Variants in UVRAG observed in about 807,000 individuals in gnomAD.
UVRAG encodes UV radiation resistance associated.
UVRAG carries 19 observed loss-of-function variants against 78.0 expected under a neutral mutation model. The observed-to-expected ratio is 0.24, with a 90% confidence interval of 0.17 to 0.36. UVRAG has a LOEUF of 0.36. Among genes scored for constraint, UVRAG ranks in the 10% least tolerant of loss-of-function variants. The probability of loss-of-function intolerance (pLI) is 1.00; values close to 1 mark genes in which losing one functional copy is unlikely to be tolerated. For synonymous variants in UVRAG, 323 were observed against 324.6 expected, an observed-to-expected ratio of 1.00 and a Z score of 0.05; for missense variants, 740 against 853.8, an observed-to-expected ratio of 0.87 and a Z score of 1.66.
At chr11:75,871,416 A>C (rs1946648500) in intron 3 of UVRAG, among the ~76,000 whole-genome samples, 1 of 151,510 alleles carries the variant, frequency 6.6e-6, no homozygotes, top group Non-Finnish European at 1.5e-5. Context: ...CCTCCCAAGT[A>C]GGTGAAGTGT....
At chr11:76,005,134 G>GCC (rs1394207907) in intron 9 of UVRAG, among the ~76,000 whole-genome samples, 17 of 152,102 alleles carry the variant, frequency 1.1e-4, no homozygotes, top group African/African-American at 3.4e-4. Context: ...ATGCAGTCAG[G>GCC]AGATCAAGAC....
intron 3 of UVRAG, among the ~76,000 whole-genome samples, chr11:75,869,391 G>A (rs553290303): frequency 6.6e-6 from 1 of 152,296 alleles, no homozygotes; most frequent in Admixed American, 6.5e-5. Context: ...CTTTTTATGA[G>A]TTACTGGTCT....
At chr11:75,960,515 C>G (rs11236587) in intron 6 of UVRAG, among the ~76,000 whole-genome samples, 1 of 152,112 alleles carries the variant, frequency 6.6e-6, no homozygotes, top group Non-Finnish European at 1.5e-5. Flanking sequence ...GGCTGTAATC[C>G]TAGTACTTTG....
chr11:75,815,847 G>T (rs1177643159), intron 1 of UVRAG, among the ~76,000 whole-genome samples: 2 of 152,108 alleles, frequency 1.3e-5, no homozygotes, highest in African/African-American at 4.8e-5. Flanking sequence ...GCCCCGCGCA[G>T]ACCCTCTCCC....
At chr11:76,091,421 C>T (rs1216676976) in intron 13 of UVRAG, among the ~76,000 whole-genome samples, 4 of 152,170 alleles carry the variant, frequency 2.6e-5, no homozygotes, top group African/African-American at 4.8e-5. Flanking sequence ...TCATTAAGTT[C>T]TGGGAAAATT....
At chr11:75,924,001 C>T (rs1183143581) in intron 6 of UVRAG, among the ~76,000 whole-genome samples, 1 of 152,096 alleles carries the variant, frequency 6.6e-6, no homozygotes, top group African/African-American at 2.4e-5. Context: ...ATTTCAGATA[C>T]TTTTGCCTTA....
At chr11:75,993,866 G>A (rs1036772838) in intron 8 of UVRAG, among the ~76,000 whole-genome samples, 2 of 152,148 alleles carry the variant, frequency 1.3e-5, no homozygotes, top group African/African-American at 4.8e-5. Flanking sequence ...ATGGTGGAAG[G>A]TGAAGCCAGT....
intron 6 of UVRAG, among the ~76,000 whole-genome samples, chr11:75,947,326 A>G (rs770019073): frequency 6.6e-6 from 1 of 152,064 alleles, no homozygotes; most frequent in Admixed American, 6.6e-5. Flanking sequence ...GTAATATCCT[A>G]TGGTGTTTAT....
At chr11:75,827,107 A>G (rs1945530740) in intron 1 of UVRAG, among the ~76,000 whole-genome samples, 1 of 152,074 alleles carries the variant, frequency 6.6e-6, no homozygotes, top group Non-Finnish European at 1.5e-5. Context: ...TTGTCAGTAG[A>G]CTCCTGGGAA....
chr11:75,977,909 A>G (rs1303736550), intron 7 of UVRAG, among the ~76,000 whole-genome samples: 2 of 152,162 alleles, frequency 1.3e-5, no homozygotes, highest in African/African-American at 4.8e-5. Context: ...TGATCCTGTC[A>G]TTATGATGTT....
intron 13 of UVRAG, among the ~76,000 whole-genome samples, chr11:76,070,658 G>A (rs1373646400): frequency 6.6e-6 from 1 of 152,132 alleles, no homozygotes; most frequent in Non-Finnish European, 1.5e-5. Flanking sequence ...TGTACTGTGT[G>A]CTGTGTACGC....
intron 1 of UVRAG, among the ~76,000 whole-genome samples, chr11:75,848,442 G>T (rs1012013178): frequency 7.2e-5 from 11 of 152,050 alleles, no homozygotes; most frequent in Admixed American, 7.2e-4. Context: ...CTGTTTATTC[G>T]CATTAATGGA....
intron 7 of UVRAG, among the ~76,000 whole-genome samples, chr11:75,981,797 T>A (rs1169610032): frequency 6.6e-6 from 1 of 152,200 alleles, no homozygotes; most frequent in Non-Finnish European, 1.5e-5. Flanking sequence ...GTTCACAGAC[T>A]TTTCCCTGCT....
intron 13 of UVRAG, among the ~76,000 whole-genome samples, chr11:76,101,579 T>C (rs1213682638): frequency 6.6e-6 from 1 of 152,180 alleles, no homozygotes; most frequent in Non-Finnish European, 1.5e-5. Flanking sequence ...AGCTCTTTAG[T>C]TTAATTTGAT....
At chr11:76,085,063 CAAAAAA>C (rs781218840) in intron 13 of UVRAG, among the ~76,000 whole-genome samples, 1 of 49,584 alleles carries the variant, frequency 2.0e-5, no homozygotes, top group Non-Finnish European at 5.2e-5. Flanking sequence ...GACCCTGTCT[CAAAAAA>C]AAAAAAAAAA....
intron 1 of UVRAG, among the ~76,000 whole-genome samples, chr11:75,827,354 G>T (rs7115978): frequency 0.038 from 5,712 of 152,242 alleles, 339 homozygotes; most frequent in African/African-American, 0.13. Flanking sequence ...GCTCATACCT[G>T]TAATCCCAGC....
At chr11:75,898,093 ACTC>A (rs1590990773) in intron 5 of UVRAG, among the ~76,000 whole-genome samples, 1 of 146,032 alleles carries the variant, frequency 6.8e-6, no homozygotes, top group African/African-American at 2.6e-5. Context: ...CTGGTCTTGA[ACTC>A]CTGACCTCGT....
chr11:75,815,610 C>A, intron 1 of UVRAG, 86 bp downstream of exon 1: 2 of 863,084 alleles, frequency 2.3e-6, no homozygotes, highest in Non-Finnish European at 3.1e-6. Context: ...ACCCCGCGAG[C>A]CGGGACACCC....
intron 1 of UVRAG, among the ~76,000 whole-genome samples, chr11:75,848,530 C>T (rs999566303): frequency 6.6e-6 from 1 of 152,132 alleles, no homozygotes; most frequent in Non-Finnish European, 1.5e-5. Context: ...TGCTAATTTC[C>T]CACAGTTGCT....
Sources: allele counts gnomAD v4.1 joint callset (sites outside exome capture counted in the v4.1 genomes callset), GRCh38; gene constraint gnomAD v4.1.1; transcripts MANE v1.5; gene names NCBI Gene and HGNC (gene_info 2026-07-23, HGNC 2026-07-21).